CIZ1: variants seen among roughly 807,000 people sequenced by gnomAD.
CIZ1 encodes the protein cip1-interacting zinc finger protein.
Under a neutral mutation model 118.6 loss-of-function variants are expected in CIZ1, and 58 were observed. The observed-to-expected ratio is 0.49, with a 90% CI of 0.40 to 0.61. CIZ1 has a LOEUF of 0.61. Among genes scored for constraint, CIZ1 ranks in the 20% least tolerant of loss-of-function variants. The pLI is 0.00. For missense variants in CIZ1, 921 were observed against 1,115.9 expected (o/e 0.83, Z 2.49); for synonymous variants, 448 against 443.4 (o/e 1.01, Z -0.13).
At chr9:128,198,773 A>G (rs1833438918) in intron 1 of CIZ1, among the ~76,000 whole-genome samples, 1 of 152,056 alleles carries the variant, frequency 6.6e-6, no homozygotes, top group South Asian at 2.1e-4. Flanking sequence ...CGGAGGTTGC[A>G]GTGAGCTGAG....
At chr9:128,190,244 C>T in intron 3 of CIZ1, 85 bp downstream of exon 3, 2 of 912,358 alleles carry the variant, frequency 2.2e-6, no homozygotes, top group Non-Finnish European at 1.8e-6. Context: ...CTCAGGGTGG[C>T]TGTGTGGAGT....
intron 9 of CIZ1, among the ~76,000 whole-genome samples, 167 bp downstream of exon 9, chr9:128,178,202 A>C (rs1351992684): frequency 1.3e-5 from 2 of 152,108 alleles, no homozygotes; most frequent in African/African-American, 4.8e-5. Context: ...GCACACCACT[A>C]TCAAGCCCAG....
intron 13 of CIZ1, 91 bp from the exon 14 acceptor site, chr9:128,169,292 A>G: frequency 4.0e-6 from 5 of 1,251,808 alleles, no homozygotes; most frequent in South Asian, 1.2e-5. Context: ...GAGAGTCCCA[A>G]TCCCTCCAGA....
Position 128,166,959 on chromosome 9 carries a change from C to T in CIZ1, c.2366-79G>A. On this transcript the variant is annotated intron_variant, in intron 15 of 16. Coordinates refer to ENST00000372938, the MANE Select transcript of CIZ1 (RefSeq NM_001131016.2). The surrounding 1 kb of genome is among the most constrained non-coding windows in gnomAD (Gnocchi z 4.4). ...CCCTCCCTCTCTAGGGGCCCATGTGCTCCCCAACCCTCTAGGCAGGGGCAG... is the reference window on the plus strand; with the variant it reads ...CCCTCCCTCTCTAGGGGCCCATGTGTTCCCCAACCCTCTAGGCAGGGGCAG... The T allele has an allele frequency of 3.1e-6, 5 of 1,610,056 alleles. No individual in the cohort carries two copies. In the South Asian group the frequency reaches 4.4e-5, roughly 14 times the overall value.
chr9:128,172,458 A>G (rs1012629982), intron 11 of CIZ1, among the ~76,000 whole-genome samples: 1 of 151,954 alleles, frequency 6.6e-6, no homozygotes, highest in African/African-American at 2.4e-5. Flanking sequence ...GCGCCACTGC[A>G]CTCCAGCCTG....
intron 1 of CIZ1, among the ~76,000 whole-genome samples, chr9:128,199,630 A>G (rs549574101): frequency 3.9e-5 from 6 of 152,176 alleles, no homozygotes; most frequent in Admixed American, 3.3e-4. Context: ...ACTTGAGCCC[A>G]GGAGTTTGAG....
chr9:128,177,717 C>T lies in CIZ1; in HGVS notation c.1667G>A (p.Ser556Asn). 4 of 1,607,766 alleles carry T rather than the reference C, an allele frequency of 2.5e-6. No individual in the cohort carries two copies. The highest frequency in any genetic ancestry group is 3.4e-6 in the Non-Finnish European group (4 of 1,177,256). The change falls in exon 10 of 17, where the codon AGT becomes AAT. Residue 556 changes from serine (S) to asparagine (N), a missense_variant. Coordinates refer to ENST00000372938, the MANE Select transcript of CIZ1 (RefSeq NM_001131016.2). ...GSLKVTILQS[S>N]DSRAFSTVPL... The stretch of plus-strand genomic sequence containing the variant: ...TACAGTGCTAAAGGCCCGGCTGTCA[C>T]TGCTCTGCAGAATGGTGACCTTCAG...
chr9:128,202,163 A>G (rs574770823), intron 1 of CIZ1, among the ~76,000 whole-genome samples: 2 of 152,320 alleles, frequency 1.3e-5, no homozygotes, highest in South Asian at 4.1e-4. Context: ...CATTAAATGG[A>G]TGAGTAAGTG....
chr9:128,180,975 T>C (rs1049738573), intron 5 of CIZ1, among the ~76,000 whole-genome samples, 161 bp from the exon 6 acceptor site: 1 of 152,142 alleles, frequency 6.6e-6, no homozygotes, highest in Non-Finnish European at 1.5e-5. Context: ...TTAGTAAAAA[T>C]GTCCCAACCA....
chr9:128,166,382 T>G lies in CIZ1; in HGVS notation c.2512A>C (p.Ser838Arg). 6.5e-7 allele frequency: 1 copy of G among 1,547,598 alleles called. No homozygotes were observed. The highest frequency in any genetic ancestry group is 1.2e-5 in the South Asian group (1 of 83,102). ...CGGCTCACAGGTCGGGTGGTGGGGC[T>G]GGGGTTCTTGGCCGCCTTGTATTTC... The part of the protein sequence containing the change: ...LQKYKAAKNP[S>R]PTTRPVSRRC... Residue 838 changes from serine to arginine, a missense_variant, in exon 17 of 17, where the codon AGC (serine) becomes CGC (arginine). Physicochemically the swap from Ser to Arg is moderately radical, Grantham distance 110 (BLOSUM62 -1). Coordinates refer to ENST00000372938, the MANE Select transcript of CIZ1 (RefSeq NM_001131016.2). The surrounding 1 kb of genome is among the most constrained non-coding windows in gnomAD (Gnocchi z 4.4).
At chr9:128,191,727 C>T (rs1833183974), upstream of CIZ1, 1 of 1,362,184 alleles carries the variant, frequency 7.3e-7, no homozygotes, top group Admixed American at 3.3e-5. The surrounding 1 kb of genome is among the most constrained non-coding windows in gnomAD (Gnocchi z 5.5). Flanking sequence ...CTGGGCGGCT[C>T]ATACCCTCTG....
rs58614828 is a variant in CIZ1, at chr9:128,200,836, C to CAAATAAATAAATAAAT, written c.-6+3334_-6+3349dup. Among the ~76,000 whole-genome samples the CAAATAAATAAATAAAT allele has an allele frequency of 2.0e-5, 3 of 149,282 alleles. 1 individual carries two copies. The highest frequency in any genetic ancestry group is 6.7e-5 in the Admixed American group (1 of 14,946). On this transcript the variant is annotated intron_variant, in intron 1 of 17. Coordinates refer to the CIZ1 transcript ENST00000372948. ...TGGGAGACAGAGCGAGACTACGTCT[C>CAAATAAATAAATAAAT]AAATAAATAAATAAATAGGCTGGGC...
chr9:128,172,492 C>CA (rs986246332), intron 11 of CIZ1, among the ~76,000 whole-genome samples: 19 of 149,530 alleles, frequency 1.3e-4, no homozygotes, highest in East Asian at 2.0e-4. Context: ...GACTCCCTCT[C>CA]AAAAAAAAAC....
chr9:128,182,142 C>G (rs146949441), intron 5 of CIZ1, among the ~76,000 whole-genome samples: 2,180 of 152,276 alleles, frequency 0.014, 21 homozygotes, highest in Non-Finnish European at 0.024. Flanking sequence ...GGAGGTGACT[C>G]ACATTCTTTA....
chr9:128,175,202 A>C (rs1830705139), intron 11 of CIZ1, among the ~76,000 whole-genome samples: 1 of 152,124 alleles, frequency 6.6e-6, no homozygotes, highest in Non-Finnish European at 1.5e-5. Context: ...CATTATTATA[A>C]ATTCTCCAGT....
At chr9:128,188,486 T>C (rs773854051) in intron 3 of CIZ1, among the ~76,000 whole-genome samples, 8 of 152,172 alleles carry the variant, frequency 5.3e-5, no homozygotes, top group Non-Finnish European at 1.2e-4. Flanking sequence ...TTTATTCTTT[T>C]GTTTGTTTTT....
chr9:128,188,781 C>T (rs570284413), intron 3 of CIZ1, among the ~76,000 whole-genome samples: 85 of 151,936 alleles, frequency 5.6e-4, no homozygotes, highest in Admixed American at 9.8e-4. Flanking sequence ...TACAGGCGCA[C>T]GCCACCACGC....
rs11549263 is a variant in CIZ1 at position 128,178,842 on chromosome 9, T to C, written c.1365A>G (p.Val455=). Residue 455 remains valine (V), a synonymous_variant, in exon 8 of 17, where the codon GTA becomes GTG. Transcript: ENST00000372938. ...PQEHPPAQVS[V]QPPEQTHEQP... ...GCTCATGGGTCTGCTCTGGTGGCTG[T>C]ACTGACACCTGCGCTGGAGGATGCT... The C allele has an allele frequency of 9.7e-3, 15,610 of 1,614,230 alleles. 92 individuals carry two copies. The highest frequency in any genetic ancestry group is 0.014 in the South Asian group (1,249 of 91,090).
chr9:128,177,635 G>T lies in CIZ1; in HGVS notation c.1749C>A (p.Thr583=). The T allele has an allele frequency of 6.3e-7, 1 of 1,579,562 alleles. No homozygotes were observed. Among genetic ancestry groups the T allele is most frequent in the Admixed American group, 1.8e-5 (1 of 54,372 alleles). ...SDSVSSTPAA[T]STPSKQALQF... is the part of the protein sequence containing the mutation. ...GGAGGGCCTGCTTAGAGGGAGTGCT[G>T]GTAGCCGCAGGGGTGGAGGAGACGG... Residue 583 remains threonine, a synonymous_variant, in exon 10 of 17, where the codon ACC becomes ACA. Coordinates refer to ENST00000372938, the MANE Select transcript of CIZ1 (RefSeq NM_001131016.2).
Sources: gnomAD v4.1 joint callset for allele counts (sites outside exome capture counted in the v4.1 genomes callset) on GRCh38, gnomAD v4.1.1 for gene constraint, Gnocchi (gnomAD v3.1) non-coding constraint, MANE v1.5 for transcripts, NCBI Gene and HGNC (gene_info 2026-07-23, HGNC 2026-07-21) for gene names.